GAB2: variants seen among roughly 807,000 people sequenced by gnomAD.
GAB2 encodes the protein GRB2 associated binding protein 2.
In GAB2, 26 loss-of-function variants were observed where a neutral mutation model predicts 65.5. The observed-to-expected ratio is 0.40, with a 90% CI of 0.29 to 0.55. GAB2 has a LOEUF of 0.55. Among genes scored for constraint, GAB2 ranks in the 20% least tolerant of loss-of-function variants. The pLI, the probability that GAB2 is intolerant of heterozygous loss-of-function variation, is 0.53. For synonymous variants in GAB2, 321 were observed against 329.6 expected, an observed-to-expected ratio of 0.97 and a Z score of 0.28; for missense variants, 884 against 875.8, an observed-to-expected ratio of 1.01 and a Z score of -0.12.
intron 1 of GAB2, among the ~76,000 whole-genome samples, chr11:78,294,411 AATCC>A (rs1250613401): frequency 2.6e-5 from 4 of 152,206 alleles, no homozygotes. Flanking sequence ...CATGATTTAT[AATCC>A]TTTGGGTATA....
intron 2 of GAB2, among the ~76,000 whole-genome samples, chr11:78,254,842 C>T (rs1865554314): frequency 6.6e-6 from 1 of 151,530 alleles, no homozygotes; most frequent in Non-Finnish European, 1.5e-5. Flanking sequence ...TATGTAGCTC[C>T]AGAAAAATTC....
At chr11:78,379,478 G>A (rs75147250) in intron 1 of GAB2, among the ~76,000 whole-genome samples, 2,386 of 152,302 alleles carry the variant, frequency 0.016, 58 homozygotes, top group African/African-American at 0.055. Flanking sequence ...TTCTTTTTAG[G>A]AAAGGGTTTT....
intron 1 of GAB2, among the ~76,000 whole-genome samples, chr11:78,320,935 G>C (rs1038758882): frequency 6.6e-6 from 1 of 152,120 alleles, no homozygotes; most frequent in Non-Finnish European, 1.5e-5. Context: ...GCAATGGAGA[G>C]AGAGAGAAGG....
chr11:78,250,147 A>G lies in GAB2; in HGVS notation c.620+10T>C. On this transcript the variant is annotated intron_variant, in intron 3 of 9. Transcript: ENST00000361507. ...CACTAACCCACCTAATGGCTGTGGCAGCCTCCTACCTTGCATTTTCTGCTC... is the reference window on the plus strand; with the variant it reads ...CACTAACCCACCTAATGGCTGTGGCGGCCTCCTACCTTGCATTTTCTGCTC... 1 of 1,612,016 alleles carries G rather than the reference A, an allele frequency of 6.2e-7. No individual in the cohort carries two copies. Among genetic ancestry groups the G allele is most frequent in the Non-Finnish European group, 8.5e-7 (1 of 1,179,722 alleles).
chr11:78,223,281 C>T (rs564839597), intron 6 of GAB2, 131 bp downstream of exon 6: 67 of 687,678 alleles, frequency 9.7e-5, no homozygotes, highest in Non-Finnish European at 1.5e-4. Context: ...GATAAGAAAA[C>T]TGAGACTCAG....
In GAB2 at chr11:78,250,144, G is replaced by T; in HGVS notation, c.620+13C>A. ...GGTCACTAACCCACCTAATGGCTGTGGCAGCCTCCTACCTTGCATTTTCTG... is the reference window on the plus strand; with the variant it reads ...GGTCACTAACCCACCTAATGGCTGTTGCAGCCTCCTACCTTGCATTTTCTG... On this transcript the variant is annotated intron_variant, in intron 3 of 9. Coordinates refer to ENST00000361507, the MANE Select transcript of GAB2 (RefSeq NM_080491.3). 1 of 1,611,538 alleles carries T rather than the reference G, an allele frequency of 6.2e-7. No individual in the cohort carries two copies. The highest frequency in any genetic ancestry group is 8.5e-7 in the Non-Finnish European group (1 of 1,179,630).
intron 1 of GAB2, among the ~76,000 whole-genome samples, chr11:78,381,880 A>G (rs1333995557): frequency 6.6e-6 from 1 of 152,230 alleles, no homozygotes; most frequent in Non-Finnish European, 1.5e-5. Context: ...ATTAAAACCT[A>G]CACACTTAAC....
At chr11:78,332,626 T>C (rs1823026155) in intron 1 of GAB2, among the ~76,000 whole-genome samples, 1 of 152,190 alleles carries the variant, frequency 6.6e-6, no homozygotes, top group African/African-American at 2.4e-5. Flanking sequence ...AGTAAGAGTC[T>C]AATGGGATGC....
intron 2 of GAB2, among the ~76,000 whole-genome samples, chr11:78,271,084 G>C (rs2511182): frequency 0.17 from 25,741 of 152,212 alleles, 2,580 homozygotes; most frequent in East Asian, 0.4. Flanking sequence ...TTCAAAAGGG[G>C]TGATGGCTTT....
intron 1 of GAB2, among the ~76,000 whole-genome samples, chr11:78,346,695 A>T (rs1565168142): frequency 4.2e-5 from 4 of 95,320 alleles, no homozygotes; most frequent in Admixed American, 2.1e-4. Context: ...ATATATATAT[A>T]TATATATATA....
chr11:78,378,247 G>GA (rs1363700839), intron 1 of GAB2, among the ~76,000 whole-genome samples: 2 of 152,058 alleles, frequency 1.3e-5, no homozygotes, highest in Non-Finnish European at 2.9e-5. Context: ...TTGCCTACAG[G>GA]AAAAAAGAAA....
chr11:78,344,858 G>C (rs1267463653), intron 1 of GAB2, among the ~76,000 whole-genome samples: 2 of 152,042 alleles, frequency 1.3e-5, no homozygotes, highest in African/African-American at 4.8e-5. Flanking sequence ...TGAAAATCTA[G>C]GAAGACAAAG....
intron 1 of GAB2, chr11:78,341,705 T>C (rs917815332): frequency 1.0e-6 from 1 of 954,970 alleles, no homozygotes; most frequent in African/African-American, 1.8e-5. Flanking sequence ...AAAGAACAAA[T>C]ATTCAGAACC....
intron 1 of GAB2, among the ~76,000 whole-genome samples, chr11:78,388,610 G>C (rs1431166621): frequency 6.6e-6 from 1 of 152,154 alleles, no homozygotes; most frequent in African/African-American, 2.4e-5. Context: ...TTACAGGTGT[G>C]AGCCACTGTG....
chr11:78,227,201 T>C, intron 3 of GAB2, 150 bp from the exon 4 acceptor site: 1 of 627,026 alleles, frequency 1.6e-6, no homozygotes, highest in Non-Finnish European at 2.8e-6. Context: ...CAGACTCTAG[T>C]ATATGAATGT....
At chr11:78,386,243 C>T (rs116742542) in intron 1 of GAB2, among the ~76,000 whole-genome samples, 8 of 152,166 alleles carry the variant, frequency 5.3e-5, no homozygotes, top group African/African-American at 1.9e-4. Context: ...CAGTGTTTGC[C>T]CTGGGAGAAG....
At chr11:78,413,956 T>A (rs561000831) in intron 1 of GAB2, among the ~76,000 whole-genome samples, 2 of 152,018 alleles carry the variant, frequency 1.3e-5, no homozygotes, top group African/African-American at 4.8e-5. Context: ...GGTGTGGTGA[T>A]GCATGCCTGT....
chr11:78,310,319 G>A (rs1383980225), intron 1 of GAB2, among the ~76,000 whole-genome samples: 3 of 150,266 alleles, frequency 2.0e-5, no homozygotes, highest in Non-Finnish European at 4.4e-5. Context: ...TGGCTAACAC[G>A]GTGAAACCCC....
chr11:78,237,309 G>A (rs1865008203), intron 3 of GAB2, among the ~76,000 whole-genome samples: 2 of 152,148 alleles, frequency 1.3e-5, no homozygotes, highest in South Asian at 4.1e-4. Flanking sequence ...TCATGTGAAT[G>A]GAAAAGTGAA....
Sources: allele counts gnomAD v4.1 joint callset (sites outside exome capture counted in the v4.1 genomes callset), GRCh38; gene constraint gnomAD v4.1.1; transcripts MANE v1.5; gene names NCBI Gene and HGNC (gene_info 2026-07-23, HGNC 2026-07-21).